The following PROX2 variants were observed in gnomAD, a reference collection of about 807,000 sequenced individuals.
PROX2 encodes prospero homeobox 2.
PROX2 carries 46 observed loss-of-function variants against 48.9 expected under a neutral mutation model. The ratio of observed to expected loss-of-function variants is 0.94; its 90% CI spans 0.74 to 1.20. The LOEUF (loss-of-function observed/expected upper bound fraction) is 1.20, where lower values mean the gene tolerates loss of function less well. Among genes scored for constraint, PROX2 ranks in the 50% most tolerant of loss-of-function variants. The pLI is 0.00. For missense variants in PROX2, 663 were observed against 719.4 expected, an observed-to-expected ratio of 0.92 and a Z score of 0.90; for synonymous variants, 260 against 276.6, an observed-to-expected ratio of 0.94 and a Z score of 0.60.
intron 4 of PROX2, chr14:74,857,768 GT>G (rs756780116): frequency 1.1e-3 from 153 of 140,146 alleles, no homozygotes; most frequent in African/African-American, 1.4e-3. Flanking sequence ...GTTTTTGTGT[GT>G]TTTTTTTTTT....
chr14:74,869,280 C>CTTT (rs570619745), intron 2 of PROX2, among the ~76,000 whole-genome samples: 1 of 143,860 alleles, frequency 7.0e-6, no homozygotes, highest in Non-Finnish European at 1.5e-5. Flanking sequence ...GAACCTTCAA[C>CTTT]TTTTTTTTTT....
chr14:74,856,684 A>G, intron 5 of PROX2, 117 bp downstream of exon 5: 1 of 837,948 alleles, frequency 1.2e-6, no homozygotes, highest in Non-Finnish European at 1.9e-6. Context: ...AGATTGGCCC[A>G]GGCTGCCCTG....
chr14:74,863,164 T>C lies in PROX2; in HGVS notation c.671A>G (p.Glu224Gly). 1.2e-6 allele frequency: 2 copies of C among 1,614,022 alleles called. No individual in the cohort carries two copies. The highest frequency in any genetic ancestry group is 1.7e-6 in the Non-Finnish European group (2 of 1,179,888). The change falls in exon 3 of 6, where the codon GAG becomes GGG. Residue 224 changes from glutamate (E) to glycine (G), a missense_variant. By Grantham distance (98) the Glu-to-Gly change is moderately conservative. Transcript: ENST00000556489. The part of the protein sequence containing the change: ...FLPSGAPASL[E>G]ILRKELTRAV... The stretch of plus-strand genomic sequence containing the variant: ...CCTGGTCAGCTCTTTCCTCAGAATC[T>C]CTAGTGAAGCTGGTGCTCCAGAAGG...
intron 2 of PROX2, among the ~76,000 whole-genome samples, chr14:74,870,257 T>A (rs577020236): frequency 1.8e-3 from 243 of 131,368 alleles, no homozygotes; most frequent in African/African-American, 7.1e-3. Context: ...CGAAACCCTG[T>A]TTCTCCAAAA....
intron 4 of PROX2, 114 bp from the exon 5 acceptor site, chr14:74,857,109 CAG>C (rs987749694): frequency 6.6e-5 from 50 of 760,604 alleles, no homozygotes; most frequent in East Asian, 5.7e-4. Context: ...CCAGCATTAA[CAG>C]GGGCTTCCTT....
At chr14:74,856,576 T>G in intron 5 of PROX2, 1 of 551,496 alleles carries the variant, frequency 1.8e-6, no homozygotes, top group Non-Finnish European at 3.2e-6. Context: ...GCCCTCTCAC[T>G]AAGCTTCAGA....
At chr14:74,873,275 C>T (rs952679239) in intron 1 of PROX2, among the ~76,000 whole-genome samples, 2 of 152,190 alleles carry the variant, frequency 1.3e-5, no homozygotes, top group Admixed American at 6.5e-5. Context: ...TCGTGAGCCA[C>T]CGCGCCCAGC....
rs2091811847 is a variant in PROX2, at chr14:74,863,179, G to A, written c.656C>T (p.Ala219Val). 1 of 1,613,912 alleles carries A rather than the reference G, an allele frequency of 6.2e-7. No homozygotes were observed. Residue 219 changes from alanine to valine, a missense_variant, in exon 3 of 6, where the codon GCA (alanine) becomes GTA (valine). Transcript: ENST00000556489. The stretch of plus-strand genomic sequence containing the variant: ...CCTCAGAATCTCTAGTGAAGCTGGT[G>A]CTCCAGAAGGAAGGAAACTGGGCTT... ...SEKPSFLPSG[A>V]PASLEILRKE... is the part of the protein sequence containing the mutation.
chr14:74,868,312 A>ATT (rs1312886081), intron 2 of PROX2, among the ~76,000 whole-genome samples: 1 of 56,600 alleles, frequency 1.8e-5, no homozygotes, highest in South Asian at 7.1e-4. Flanking sequence ...ATTTCTCGTA[A>ATT]TTATATATAT....
Position 74,863,523 on chromosome 14 carries a change from C to T in PROX2, c.312G>A (p.Arg104=). The change falls in exon 3 of 6, where the codon AGG becomes AGA. Residue 104 remains arginine (R), a synonymous_variant. Coordinates refer to ENST00000556489, the MANE Select transcript of PROX2 (RefSeq NM_001243007.2). The stretch of plus-strand genomic sequence containing the variant: ...CTTGCGGTGTGGGAAGGTTCTGCTT[C>T]CTCTTCCTCTCTCGGGCCTTCTTTG... ...RCPKKARERK[R]KQNLPTPQGL... is the part of the protein sequence containing the mutation. 6.2e-7 allele frequency: 1 copy of T among 1,613,542 alleles called. No individual in the cohort carries two copies. The highest frequency in any genetic ancestry group is 8.5e-7 in the Non-Finnish European group (1 of 1,179,676).
chr14:74,855,044 A>G lies in PROX2; in HGVS notation c.*88T>C, dbSNP rs922413553. On this transcript the variant is annotated 3_prime_UTR_variant, in exon 6 of 6. Coordinates refer to ENST00000556489, the MANE Select transcript of PROX2 (RefSeq NM_001243007.2). ...GGAGATTTCCTTGTGCCCTTTTTAT[A>G]TGACTACAGCTAAATTGCCCTTTAA... 8.2e-6 allele frequency: 7 copies of G among 851,254 alleles called. No individual in the cohort carries two copies. In the African/African-American group the frequency reaches 1.0e-4, roughly 12 times the overall value. 52.7% of individuals were successfully genotyped at this position (851,254 alleles called of 1,614,324 possible).
intron 3 of PROX2, among the ~76,000 whole-genome samples, chr14:74,861,834 G>T (rs1022275432): frequency 6.6e-6 from 1 of 152,146 alleles, no homozygotes; most frequent in African/African-American, 2.4e-5. Context: ...TAGGATTTTT[G>T]CTTGTAGAGC....
rs1025669522 is a variant in PROX2, at chr14:74,858,585, C to T, written c.1306-71G>A. 1.1e-5 allele frequency: 9 copies of T among 794,928 alleles called. No homozygotes were observed. In the Middle Eastern group the frequency reaches 6.9e-4, roughly 61 times the overall value. The allele number at this position is 794,928 out of a possible 1,614,324, so 49.2% of individuals were successfully genotyped here. ...TCAATTAACTAGTGAATTCCTTGTTCCTGTGGTTTCTATTTGATTTCATTT... is the reference window on the plus strand; with the variant it reads ...TCAATTAACTAGTGAATTCCTTGTTTCTGTGGTTTCTATTTGATTTCATTT... On this transcript the variant is annotated intron_variant, in intron 3 of 5. Transcript: ENST00000556489.
intron 5 of PROX2, 110 bp from the exon 6 acceptor site, chr14:74,855,412 G>T: frequency 1.2e-6 from 1 of 812,436 alleles, no homozygotes; most frequent in Non-Finnish European, 1.8e-6. Context: ...TGGGCTAGGA[G>T]CATCCCTGCT....
Position 74,862,576 on chromosome 14 carries a change from C to G in PROX2, c.1259G>C (p.Arg420Thr), listed in dbSNP as rs370632269. Residue 420 changes from arginine (R) to threonine (T), a missense_variant, in exon 3 of 6, where the codon AGA (arginine) becomes ACA (threonine). By Grantham distance (71) the Arg-to-Thr change is moderately conservative. Transcript: ENST00000556489. ...TGCCTCCATGACAGCATGCAGGCCT[C>G]TCTGTTCCATCTTCACCGAGGGAAG... is the stretch of plus-strand genomic sequence containing the variant. Reference protein sequence around the residue: ...PLLPSVKMEQRGLHAVMEALP... With the variant: ...PLLPSVKMEQTGLHAVMEALP... The G allele has an allele frequency of 1.2e-6, 2 of 1,613,822 alleles. No homozygotes were observed. The highest frequency in any genetic ancestry group is 1.7e-6 in the Non-Finnish European group (2 of 1,179,892).
intron 5 of PROX2, 82 bp from the exon 6 acceptor site, chr14:74,855,384 T>C: frequency 9.9e-6 from 12 of 1,206,954 alleles, no homozygotes; most frequent in Non-Finnish European, 1.1e-5. Flanking sequence ...TAGCGGGTGC[T>C]GCCTGTTTCT....
intron 1 of PROX2, among the ~76,000 whole-genome samples, chr14:74,873,215 T>C (rs1049918165): frequency 3.3e-5 from 5 of 152,210 alleles, no homozygotes; most frequent in Non-Finnish European, 4.4e-5. Context: ...AATCTCCTGA[T>C]CTCATGATCT....
At chr14:74,869,464 G>A (rs2140173290) in intron 2 of PROX2, among the ~76,000 whole-genome samples, 1 of 152,204 alleles carries the variant, frequency 6.6e-6, no homozygotes, top group African/African-American at 2.4e-5. Flanking sequence ...TTTTAGTAGA[G>A]ACAGGGTTTC....
chr14:74,868,847 AAATAAG>A (rs1883143464), intron 2 of PROX2, among the ~76,000 whole-genome samples: 2 of 152,096 alleles, frequency 1.3e-5, no homozygotes, highest in Admixed American at 6.5e-5. Flanking sequence ...AAAAAAAAAA[AAATAAG>A]ATAGTATGGA....
Sources: allele counts gnomAD v4.1 joint callset (sites outside exome capture counted in the v4.1 genomes callset), GRCh38; gene constraint gnomAD v4.1.1; transcripts MANE v1.5; gene names NCBI Gene and HGNC (gene_info 2026-07-23, HGNC 2026-07-21).